HS6ST3: variants seen among roughly 807,000 people sequenced by gnomAD.
The protein encoded by HS6ST3 is heparan sulfate 6-O-sulfotransferase 3.
Under a neutral mutation model 36.7 loss-of-function variants are expected in HS6ST3, and 12 were observed. The ratio of observed to expected loss-of-function variants is 0.33; its 90% CI spans 0.21 to 0.53. The LOEUF (loss-of-function observed/expected upper bound fraction) is 0.53. HS6ST3 is among the 20% of genes least tolerant of loss of function. The probability of loss-of-function intolerance (pLI) is 0.95; values close to 1 mark genes in which losing one functional copy is unlikely to be tolerated. For synonymous variants in HS6ST3, 240 were observed against 257.5 expected (o/e 0.93, Z 0.65); for missense variants, 584 against 640.9 (o/e 0.91, Z 0.96).
intron 1 of HS6ST3, among the ~76,000 whole-genome samples, chr13:96,177,664 TCGGAGAATATAA>T (rs2054218827): frequency 6.6e-6 from 1 of 151,978 alleles, no homozygotes. Flanking sequence ...AGGGAGAGGA[TCGGAGAATATAA>T]CTGTTGGGTA....
intron 1 of HS6ST3, among the ~76,000 whole-genome samples, chr13:96,158,318 T>C (rs1202685102): frequency 6.6e-6 from 1 of 151,794 alleles, no homozygotes; most frequent in Non-Finnish European, 1.5e-5. Flanking sequence ...TGGATCTAAA[T>C]TGGGAAGAAA....
chr13:96,102,770 T>C (rs920379913), intron 1 of HS6ST3, among the ~76,000 whole-genome samples: 1 of 152,240 alleles, frequency 6.6e-6, no homozygotes, highest in Non-Finnish European at 1.5e-5. Flanking sequence ...GTATTAGGTC[T>C]GTAGTAGTGC....
chr13:96,696,407 G>A (rs1875129033), intron 1 of HS6ST3, among the ~76,000 whole-genome samples: 1 of 152,186 alleles, frequency 6.6e-6, no homozygotes, highest in African/African-American at 2.4e-5. Context: ...TTGAATAACT[G>A]GGAACTGTGG....
intron 1 of HS6ST3, among the ~76,000 whole-genome samples, chr13:96,785,609 A>G (rs752774061): frequency 3.9e-5 from 6 of 152,118 alleles, no homozygotes; most frequent in Admixed American, 2.6e-4. Context: ...ACCTGCCGAG[A>G]TTCTCCTTCC....
chr13:96,656,222 C>T (rs940478953), intron 1 of HS6ST3, among the ~76,000 whole-genome samples: 1 of 152,084 alleles, frequency 6.6e-6, no homozygotes, highest in African/African-American at 2.4e-5. Flanking sequence ...GATTCCAAGT[C>T]TAAAGTTATA....
At chr13:96,724,581 A>G (rs1350054867) in intron 1 of HS6ST3, among the ~76,000 whole-genome samples, 3 of 152,146 alleles carry the variant, frequency 2.0e-5, no homozygotes, top group Admixed American at 2.0e-4. Flanking sequence ...ACTATAGATT[A>G]GTTTTCATTT....
In HS6ST3 at chr13:96,484,178, A is replaced by T. The variant is rs186187533; in HGVS notation, c.708-348312A>T. Among the ~76,000 whole-genome samples, 398 of 152,152 alleles carry T rather than the reference A, an allele frequency of 2.6e-3. 3 individuals carry two copies. The highest frequency in any genetic ancestry group is 0.015 in the South Asian group (70 of 4,806). ...CTTTATTGAGGAAAAAATGGTAAGA[A>T]TTGTATATGTTTAAAGTGTAAAACT... On this transcript the variant is annotated intron_variant, in intron 1 of 1. Transcript: ENST00000376705.
At chr13:96,732,825 A>G (rs1293104820) in intron 1 of HS6ST3, among the ~76,000 whole-genome samples, 2 of 83,320 alleles carry the variant, frequency 2.4e-5, no homozygotes, top group Non-Finnish European at 4.6e-5. Flanking sequence ...ACTTCCATCA[A>G]CGTTTTATAG....
chr13:96,479,359 A>G (rs530494615), intron 1 of HS6ST3, among the ~76,000 whole-genome samples: 12 of 152,200 alleles, frequency 7.9e-5, no homozygotes, highest in Non-Finnish European at 1.6e-4. Flanking sequence ...GGAGATGCAC[A>G]TGGAGAGGGG....
chr13:96,829,488 C>A (rs901939954), intron 1 of HS6ST3, among the ~76,000 whole-genome samples: 5 of 152,098 alleles, frequency 3.3e-5, no homozygotes, highest in African/African-American at 7.2e-5. Context: ...TCGCACCCCC[C>A]AACTTCTGAT....
chr13:96,693,939 C>A (rs1158778972), intron 1 of HS6ST3, among the ~76,000 whole-genome samples: 1 of 152,136 alleles, frequency 6.6e-6, no homozygotes, highest in Non-Finnish European at 1.5e-5. Context: ...ACTTCAAAGG[C>A]AGCTGAGCTT....
intron 1 of HS6ST3, among the ~76,000 whole-genome samples, chr13:96,346,827 T>C (rs964767372): frequency 1.3e-5 from 2 of 152,066 alleles, no homozygotes; most frequent in African/African-American, 4.8e-5. Context: ...TTTCTTCTAG[T>C]ATAGAATATG....
chr13:96,737,113 G>C (rs2138481582), intron 1 of HS6ST3, among the ~76,000 whole-genome samples: 1 of 152,156 alleles, frequency 6.6e-6, no homozygotes, highest in African/African-American at 2.4e-5. Context: ...TGATTAACAG[G>C]AAAAGGGCAA....
chr13:96,191,537 T>C (rs908349569), intron 1 of HS6ST3, among the ~76,000 whole-genome samples: 6 of 152,228 alleles, frequency 3.9e-5, no homozygotes, highest in Admixed American at 1.3e-4. Context: ...GTAGTGTTTT[T>C]CTTCCCTAGC....
intron 1 of HS6ST3, among the ~76,000 whole-genome samples, chr13:96,722,813 CA>C (rs1380560789): frequency 6.6e-6 from 1 of 152,008 alleles, no homozygotes; most frequent in African/African-American, 2.4e-5. Context: ...CCCGCCTCTA[CA>C]AAAAATACAA....
intron 1 of HS6ST3, among the ~76,000 whole-genome samples, chr13:96,784,120 G>T (rs1594859341): frequency 1.3e-5 from 2 of 149,632 alleles, no homozygotes; most frequent in Admixed American, 6.7e-5. Flanking sequence ...AAGGAACTTT[G>T]ATATAAATAA....
rs149576073 is a variant in HS6ST3, at chr13:96,319,543, A to G, written c.707+227974A>G. ...AATTATTGGGTCATAGGGTAACTCT[A>G]TATTTAACTCTTTGAAAGACTGCAA... On this transcript the variant is annotated intron_variant, in intron 1 of 1. Coordinates refer to ENST00000376705, the MANE Select transcript of HS6ST3 (RefSeq NM_153456.4). 4.5e-3 allele frequency among the ~76,000 whole-genome samples: 684 copies of G among 152,292 alleles called. 3 individuals are homozygous for G. Among genetic ancestry groups the G allele is most frequent in the Non-Finnish European group, 8.4e-3 (574 of 68,022 alleles).
chr13:96,559,117 TC>T (rs1566396508), intron 1 of HS6ST3, among the ~76,000 whole-genome samples: 92 of 150,516 alleles, frequency 6.1e-4, no homozygotes, highest in African/African-American at 2.1e-3. Context: ...TATCTATCTA[TC>T]TATCTATTTA....
At chr13:96,557,843 G>A (rs2138953048) in intron 1 of HS6ST3, among the ~76,000 whole-genome samples, 1 of 152,308 alleles carries the variant, frequency 6.6e-6, no homozygotes, top group Non-Finnish European at 1.5e-5. Flanking sequence ...AAGTCAGACA[G>A]TTAAGTTTTC....
Sources: gnomAD v4.1 joint callset for allele counts (sites outside exome capture counted in the v4.1 genomes callset) on GRCh38, gnomAD v4.1.1 for gene constraint, MANE v1.5 for transcripts, NCBI Gene and HGNC (gene_info 2026-07-23, HGNC 2026-07-21) for gene names.